The following MACROD2 variants were observed in gnomAD, a reference collection of about 807,000 sequenced individuals.
The protein encoded by MACROD2 is mono-ADP ribosylhydrolase 2, also known as ADP-ribose glycohydrolase MACROD2.
MACROD2 carries 36 observed loss-of-function variants against 70.4 expected under a neutral mutation model. The ratio of observed to expected loss-of-function variants is 0.51; its 90% CI spans 0.39 to 0.68. MACROD2 has a LOEUF of 0.68. Among genes scored for constraint, MACROD2 ranks in the 30% least tolerant of loss-of-function variants. MACROD2 has a pLI of 0.00. For missense variants in MACROD2, 496 were observed against 538.4 expected (o/e 0.92, Z 0.78); for synonymous variants, 172 against 178.8 (o/e 0.96, Z 0.30).
chr20:14,900,553 GA>G (rs1434528458), intron 5 of MACROD2, among the ~76,000 whole-genome samples: 4 of 146,568 alleles, frequency 2.7e-5, no homozygotes, highest in African/African-American at 9.9e-5. Flanking sequence ...GTCTTTCTGA[GA>G]TTTTTTTTAA....
intron 4 of MACROD2, among the ~76,000 whole-genome samples, chr20:14,532,307 C>T (rs1220269282): frequency 1.3e-5 from 2 of 151,338 alleles, no homozygotes; most frequent in African/African-American, 4.9e-5. Flanking sequence ...CAACCTCCGC[C>T]TCCCGGGTTC....
chr20:14,252,762 A>G lies in MACROD2; in HGVS notation c.271+167034A>G, dbSNP rs113882711. Among the ~76,000 whole-genome samples, 617 of 152,118 alleles carry G rather than the reference A, an allele frequency of 4.1e-3. 5 individuals carry two copies. The highest frequency in any genetic ancestry group is 0.014 in the African/African-American group (574 of 41,560). On this transcript the variant is annotated intron_variant, in intron 3 of 17. Transcript: ENST00000684519. ...AATTTCCTCTCACCCAGCATTTAAA[A>G]TGGATTTTTTCTTCTTGCATTGTTT...
At chr20:15,097,514 A>G (rs922757133) in intron 5 of MACROD2, among the ~76,000 whole-genome samples, 1 of 152,200 alleles carries the variant, frequency 6.6e-6, no homozygotes, top group African/African-American at 2.4e-5. Context: ...ATTTTTCAAT[A>G]TACCTCAGTA....
intron 4 of MACROD2, among the ~76,000 whole-genome samples, chr20:14,537,415 G>A (rs1361830444): frequency 6.6e-6 from 1 of 152,186 alleles, no homozygotes; most frequent in Non-Finnish European, 1.5e-5. Context: ...TAGGGACAGG[G>A]AAGTTGAGTA....
rs570917545 is a variant in MACROD2 at position 14,760,986 on chromosome 20, C to T, written c.418+76027C>T. On this transcript the variant is annotated intron_variant, in intron 5 of 17. Transcript: ENST00000684519. ...TGATTTTTTTGCAGTATTGCAGTAT[C>T]GAGGCTGTTAGCCACCTTCTTCTGG... is the stretch of plus-strand genomic sequence containing the variant. Among the ~76,000 whole-genome samples the T allele has an allele frequency of 3.0e-3, 450 of 152,148 alleles. 3 individuals carry two copies. The highest frequency in any genetic ancestry group is 5.3e-3 in the Non-Finnish European group (359 of 67,998).
At chr20:14,249,868 A>G (rs919419067) in intron 3 of MACROD2, among the ~76,000 whole-genome samples, 4 of 152,110 alleles carry the variant, frequency 2.6e-5, no homozygotes, top group African/African-American at 9.7e-5. Flanking sequence ...GGAACTGAAT[A>G]ATTGGAAGTA....
intron 5 of MACROD2, among the ~76,000 whole-genome samples, chr20:15,050,183 C>T (rs973273069): frequency 6.6e-6 from 1 of 152,096 alleles, no homozygotes; most frequent in Non-Finnish European, 1.5e-5. Flanking sequence ...TGATGATTCT[C>T]TCTTTGACTT....
At chr20:15,381,133 A>G (rs1045248841) in intron 6 of MACROD2, among the ~76,000 whole-genome samples, 1 of 152,108 alleles carries the variant, frequency 6.6e-6, no homozygotes, top group African/African-American at 2.4e-5. Flanking sequence ...ATATTTTATT[A>G]TTGACTATGA....
intron 5 of MACROD2, among the ~76,000 whole-genome samples, chr20:14,809,359 A>T (rs1380784805): frequency 2.6e-5 from 4 of 152,138 alleles, no homozygotes; most frequent in Admixed American, 6.6e-5. Flanking sequence ...AAATTAAGGC[A>T]GAAATAAATA....
intron 8 of MACROD2, among the ~76,000 whole-genome samples, chr20:15,806,994 G>T (rs2063775197): frequency 6.6e-6 from 1 of 152,136 alleles, no homozygotes; most frequent in Non-Finnish European, 1.5e-5. Flanking sequence ...CAAGAAAATG[G>T]CTGATCTCCA....
At chr20:14,741,355 T>A (rs2071729721) in intron 5 of MACROD2, among the ~76,000 whole-genome samples, 1 of 152,154 alleles carries the variant, frequency 6.6e-6, no homozygotes, top group African/African-American at 2.4e-5. Context: ...TGTTAAGAAC[T>A]CAGAGAAGGT....
chr20:14,968,881 G>C (rs936249980), intron 5 of MACROD2, among the ~76,000 whole-genome samples: 2 of 152,054 alleles, frequency 1.3e-5, no homozygotes, highest in Admixed American at 1.3e-4. Flanking sequence ...TGTTTGTTTT[G>C]TTTTGTTTTC....
rs557595457 is a variant in MACROD2 at position 14,426,123 on chromosome 20, G to A, written c.272-67356G>A. 1.3e-3 allele frequency among the ~76,000 whole-genome samples: 201 copies of A among 151,920 alleles called. 1 individual carries two copies. The highest frequency in any genetic ancestry group is 4.5e-3 in the African/African-American group (188 of 41,456). On this transcript the variant is annotated intron_variant, in intron 3 of 17. Transcript: ENST00000684519. ...GCACTTTCACTCATGTTCTCCCTGG[G>A]GAATTGTCTAAATTATATCATTGAT...
intron 8 of MACROD2, among the ~76,000 whole-genome samples, chr20:15,675,380 G>C (rs6110725): frequency 8.5e-5 from 13 of 152,110 alleles, no homozygotes; most frequent in Non-Finnish European, 1.8e-4. Context: ...CCTCCCATGA[G>C]GTCAAAGGTG....
intron 3 of MACROD2, among the ~76,000 whole-genome samples, chr20:14,331,301 C>G (rs1165393085): frequency 1.3e-5 from 2 of 152,020 alleles, no homozygotes; most frequent in Non-Finnish European, 2.9e-5. Context: ...ATTTTTAACC[C>G]AGAGAATGAA....
chr20:14,925,755 A>G (rs2074222981), intron 5 of MACROD2, among the ~76,000 whole-genome samples: 5 of 152,158 alleles, frequency 3.3e-5, no homozygotes, highest in Admixed American at 3.3e-4. Context: ...TGACCTTTTT[A>G]TGTTTATTGT....
intron 3 of MACROD2, among the ~76,000 whole-genome samples, chr20:14,208,299 T>G (rs900773252): frequency 6.6e-6 from 1 of 152,216 alleles, no homozygotes; most frequent in Non-Finnish European, 1.5e-5. Context: ...ATAGTTGGAT[T>G]GTGACATCTT....
At chr20:15,522,932 G>C (rs185714122) in intron 8 of MACROD2, among the ~76,000 whole-genome samples, 1 of 152,240 alleles carries the variant, frequency 6.6e-6, no homozygotes, top group East Asian at 1.9e-4. Flanking sequence ...GCCACCTCTT[G>C]GGTAGTCCAT....
chr20:15,740,606 T>C (rs942859133), intron 8 of MACROD2, among the ~76,000 whole-genome samples: 2 of 152,118 alleles, frequency 1.3e-5, no homozygotes, highest in East Asian at 3.9e-4. Flanking sequence ...ACCTGTACAG[T>C]CAACTGCCAC....
Sources: gnomAD v4.1 joint callset for allele counts (sites outside exome capture counted in the v4.1 genomes callset) on GRCh38, gnomAD v4.1.1 for gene constraint, MANE v1.5 for transcripts, NCBI Gene and HGNC (gene_info 2026-07-23, HGNC 2026-07-21) for gene names.